Variants in TARBP1 observed in about 807,000 individuals in gnomAD.
TARBP1 encodes tRNA (guanosine(18)-2'-O)-methyltransferase TARBP1.
A neutral mutation model predicts 178.6 loss-of-function variants in TARBP1; 144 were observed. The ratio of observed to expected loss-of-function variants is 0.81; its 90% CI spans 0.70 to 0.93. TARBP1 has a LOEUF of 0.93. Ranked by LOEUF, TARBP1 falls within the 40% of genes least tolerant of loss-of-function variation. The pLI is 0.00. For missense variants in TARBP1, 2,067 were observed against 2,011.7 expected (o/e 1.03, Z -0.53); for synonymous variants, 787 against 781.0 (o/e 1.01, Z -0.13).
intron 12 of TARBP1, among the ~76,000 whole-genome samples, chr1:234,442,025 T>C (rs1665649022): frequency 6.6e-6 from 1 of 151,858 alleles, no homozygotes; most frequent in Non-Finnish European, 1.5e-5. Context: ...ACTCAGTCTC[T>C]CCAACAAATG....
intron 21 of TARBP1, among the ~76,000 whole-genome samples, chr1:234,419,326 T>C (rs772238826): frequency 3.3e-5 from 5 of 152,210 alleles, no homozygotes; most frequent in African/African-American, 4.8e-5. Flanking sequence ...GATAGTGTCA[T>C]AAAGTGGAGC....
chr1:234,399,938 A>T (rs914050113), intron 25 of TARBP1, among the ~76,000 whole-genome samples: 1 of 151,794 alleles, frequency 6.6e-6, no homozygotes, highest in African/African-American at 2.4e-5. Flanking sequence ...CTAATGCTAG[A>T]TGACGAGTTG....
chr1:234,410,565 C>A, intron 22 of TARBP1, 34 bp from the exon 23 acceptor site: 1 of 1,331,686 alleles, frequency 7.5e-7, no homozygotes, highest in South Asian at 1.2e-5. Context: ...AATATTGATT[C>A]AAAGCTTACT....
At chr1:234,455,111 C>A (rs1237197224) in intron 9 of TARBP1, among the ~76,000 whole-genome samples, 2 of 152,146 alleles carry the variant, frequency 1.3e-5, no homozygotes, top group Admixed American at 1.3e-4. Context: ...TACAAGGAAG[C>A]ACAAGCCAGC....
intron 17 of TARBP1, among the ~76,000 whole-genome samples, 197 bp downstream of exon 17, chr1:234,428,939 C>A (rs977972719): frequency 2.6e-5 from 4 of 152,180 alleles, no homozygotes; most frequent in African/African-American, 4.8e-5. Flanking sequence ...TGGCTCCAGG[C>A]TACCGTTTTG....
chr1:234,409,998 A>G (rs1423839709), intron 23 of TARBP1, among the ~76,000 whole-genome samples: 1 of 152,216 alleles, frequency 6.6e-6, no homozygotes, highest in South Asian at 2.1e-4. Context: ...TGCACACTCC[A>G]AATGATGACA....
chr1:234,441,289 A>C (rs1665571900), intron 12 of TARBP1, among the ~76,000 whole-genome samples: 2 of 152,244 alleles, frequency 1.3e-5, no homozygotes, highest in South Asian at 4.1e-4. Context: ...ATTCCAGTCA[A>C]GATCCCAGCA....
chr1:234,404,525 A>T (rs1225148786), intron 24 of TARBP1, among the ~76,000 whole-genome samples: 1 of 152,226 alleles, frequency 6.6e-6, no homozygotes, highest in Non-Finnish European at 1.5e-5. Flanking sequence ...ACCATACACC[A>T]AGGAGAAATA....
rs561370662 is a variant in TARBP1, at chr1:234,462,227, C to G, written c.1399+1610G>C. On this transcript the variant is annotated intron_variant, in intron 6 of 29. Coordinates refer to ENST00000040877, the MANE Select transcript of TARBP1 (RefSeq NM_005646.4). ...ATATTTACCAAGCATCTGTGATATG[C>G]CTGGTCCTGGATCACAAACACCTGG... Among the ~76,000 whole-genome samples the G allele has an allele frequency of 5.9e-5, 9 of 152,318 alleles. No homozygotes were observed. In the East Asian group the frequency reaches 1.7e-3, roughly 29 times the overall value.
intron 23 of TARBP1, among the ~76,000 whole-genome samples, chr1:234,408,632 C>T (rs1572232597): frequency 6.6e-6 from 1 of 152,242 alleles, no homozygotes; most frequent in East Asian, 1.9e-4. Context: ...GATTAACTGG[C>T]TCATCTGATC....
At chr1:234,431,385 T>C (rs1380691263) in intron 14 of TARBP1, among the ~76,000 whole-genome samples, 2 of 152,222 alleles carry the variant, frequency 1.3e-5, no homozygotes, top group East Asian at 3.8e-4. Context: ...TGGTTCATGG[T>C]TTGGTTGTAT....
intron 23 of TARBP1, chr1:234,407,093 G>A (rs1661322109): frequency 1.3e-5 from 2 of 152,142 alleles, no homozygotes; most frequent in Admixed American, 1.3e-4. Flanking sequence ...TTTATCAAAG[G>A]TCAGTGACTG....
At chr1:234,436,049 G>A (rs977009524) in intron 13 of TARBP1, among the ~76,000 whole-genome samples, 2 of 151,700 alleles carry the variant, frequency 1.3e-5, no homozygotes, top group African/African-American at 4.8e-5. Flanking sequence ...ATTAAAGAAT[G>A]GCTTTTTCAA....
At chr1:234,468,218 C>G (rs966591532) in intron 3 of TARBP1, among the ~76,000 whole-genome samples, 11 of 151,802 alleles carry the variant, frequency 7.2e-5, no homozygotes, top group African/African-American at 2.7e-4. Flanking sequence ...TTTGGGAGGC[C>G]GAGGCAGATG....
chr1:234,413,696 C>A (rs1475739092), intron 22 of TARBP1, among the ~76,000 whole-genome samples: 1 of 152,074 alleles, frequency 6.6e-6, no homozygotes, highest in Non-Finnish European at 1.5e-5. Context: ...GGTGGGGTCA[C>A]CTGTTGAAAT....
At chr1:234,435,037 A>C (rs1664858748) in intron 13 of TARBP1, among the ~76,000 whole-genome samples, 1 of 152,208 alleles carries the variant, frequency 6.6e-6, no homozygotes, top group African/African-American at 2.4e-5. Flanking sequence ...CTTTAGTGAG[A>C]GTCATTTCTG....
intron 4 of TARBP1, 34 bp from the exon 5 acceptor site, chr1:234,465,742 A>G: frequency 5.2e-6 from 8 of 1,527,804 alleles, no homozygotes; most frequent in Non-Finnish European, 7.0e-6. Flanking sequence ...CACGTAATTG[A>G]AACTTAGTTG....
chr1:234,402,115 C>T (rs1382852412), intron 24 of TARBP1, among the ~76,000 whole-genome samples: 1 of 152,154 alleles, frequency 6.6e-6, no homozygotes, highest in Non-Finnish European at 1.5e-5. Context: ...CAAAACAAAA[C>T]CTTATTAAAG....
chr1:234,423,151 C>T (rs1399977270), intron 20 of TARBP1, among the ~76,000 whole-genome samples: 5 of 152,182 alleles, frequency 3.3e-5, no homozygotes, highest in South Asian at 4.1e-4. Flanking sequence ...TTTTCTAGTC[C>T]GTTTTCCAAA....
Sources: allele counts gnomAD v4.1 joint callset (sites outside exome capture counted in the v4.1 genomes callset), GRCh38; gene constraint gnomAD v4.1.1; transcripts MANE v1.5; gene names NCBI Gene and HGNC (gene_info 2026-07-23, HGNC 2026-07-21).